Variants in GALNT8 observed in about 807,000 individuals in gnomAD.
The protein encoded by GALNT8 is polypeptide N-acetylgalactosaminyltransferase 8, also known as probable polypeptide N-acetylgalactosaminyltransferase 8.
In GALNT8, 66 loss-of-function variants were observed where a neutral mutation model predicts 62.7. That is an observed-to-expected ratio of 1.05 (90% CI 0.86 to 1.29). The LOEUF (loss-of-function observed/expected upper bound fraction) is 1.29, where lower values mean the gene tolerates loss of function less well. Ranked by LOEUF, GALNT8 falls within the 50% of genes most tolerant of loss-of-function variation. The probability of loss-of-function intolerance (pLI) is 0.00; values close to 1 mark genes in which losing one functional copy is unlikely to be tolerated. For missense variants in GALNT8, 771 were observed against 791.8 expected (o/e 0.97, Z 0.32); for synonymous variants, 288 against 294.3 (o/e 0.98, Z 0.22).
At chr12:4,727,204 C>T (rs535783119) in intron 2 of GALNT8, among the ~76,000 whole-genome samples, 1 of 152,198 alleles carries the variant, frequency 6.6e-6, no homozygotes, top group South Asian at 2.1e-4. Flanking sequence ...GGACTTTGCT[C>T]AAATTCTCTA....
chr12:4,765,982 T>C (rs1306102958), intron 10 of GALNT8, among the ~76,000 whole-genome samples: 3 of 152,196 alleles, frequency 2.0e-5, no homozygotes, highest in Non-Finnish European at 4.4e-5. Flanking sequence ...GGTTTCACCA[T>C]GGCTGGTCTT....
chr12:4,720,437 A>T lies in GALNT8; in HGVS notation c.-241A>T. On this transcript the variant is annotated 5_prime_UTR_variant, in exon 1 of 11. Coordinates refer to ENST00000252318, the MANE Select transcript of GALNT8 (RefSeq NM_017417.2). ...AGCAACCTGTGGAAAGCCGCTGAGC[A>T]ACCTGTGGAAAGCCGCTGAGCGGTT... 1.9e-6 allele frequency: 1 copy of T among 526,444 alleles called. No individual in the cohort carries two copies. The allele number at this position is 526,444 out of a possible 1,614,324, so 32.6% of individuals were successfully genotyped here.
At chr12:4,737,458 A>T (rs1169923006) in intron 2 of GALNT8, among the ~76,000 whole-genome samples, 1 of 152,006 alleles carries the variant, frequency 6.6e-6, no homozygotes, top group Non-Finnish European at 1.5e-5. Flanking sequence ...TCAGAGAAAA[A>T]TCTCCTCCTG....
At chr12:4,770,025 A>C (rs1201969260) in intron 10 of GALNT8, among the ~76,000 whole-genome samples, 1 of 152,208 alleles carries the variant, frequency 6.6e-6, no homozygotes, top group Non-Finnish European at 1.5e-5. Context: ...ATGGCCGGGC[A>C]CGGTGGCTCA....
At chr12:4,745,835 C>A (rs546371140) in intron 5 of GALNT8, among the ~76,000 whole-genome samples, 161 of 152,154 alleles carry the variant, frequency 1.1e-3, no homozygotes, top group Non-Finnish European at 1.7e-3. Context: ...TAGGGACTTT[C>A]AGACAAAAAT....
intron 1 of GALNT8, among the ~76,000 whole-genome samples, chr12:4,724,712 TTTTGCCCAAG>T (rs1481869693): frequency 1.3e-5 from 2 of 152,222 alleles, no homozygotes. Context: ...ACCATTTACT[TTTTGCCCAAG>T]TTTTTTCGAC....
intron 6 of GALNT8, among the ~76,000 whole-genome samples, chr12:4,756,298 C>T (rs1453759575): frequency 2.6e-5 from 4 of 152,188 alleles, no homozygotes; most frequent in East Asian, 1.9e-4. Flanking sequence ...GGAAAGTAGT[C>T]GAAATTACAC....
Position 4,728,829 on chromosome 12 carries a change from G to C in GALNT8, c.509+2000G>C, listed in dbSNP as rs376830925. 6.6e-5 allele frequency among the ~76,000 whole-genome samples: 10 copies of C among 152,144 alleles called. No homozygotes were observed. The East Asian group carries it at 1.7e-3, about 26-fold the overall frequency. On this transcript the variant is annotated intron_variant, in intron 2 of 10. Transcript: ENST00000252318. Reference sequence around the variant, plus strand: ...TCTTCTTCTTTCTCAAGACTGTTTTGTCTATTCTGGGACCTTGAATTTCCA... The same window carrying C: ...TCTTCTTCTTTCTCAAGACTGTTTTCTCTATTCTGGGACCTTGAATTTCCA...
rs763529339 is a variant in GALNT8 at position 4,726,861 on chromosome 12, C to G, written c.509+32C>G. On this transcript the variant is annotated intron_variant, in intron 2 of 10. Transcript: ENST00000252318. This position sits in a 1 kb window ranked among gnomAD's most constrained non-coding sequence, Gnocchi z 4.1. Reference sequence around the variant, plus strand: ...TGAACCAGGCTTGGGCTTCTAGGGTCCTCAGTTTGATTTGAGGATGAGCTT... The same window carrying G: ...TGAACCAGGCTTGGGCTTCTAGGGTGCTCAGTTTGATTTGAGGATGAGCTT... 7 of 1,560,100 alleles carry G rather than the reference C, an allele frequency of 4.5e-6. No individual in the cohort carries two copies. The African/African-American group carries it at 9.5e-5, about 21-fold the overall frequency.
At chr12:4,737,732 T>C (rs1946252205) in intron 2 of GALNT8, among the ~76,000 whole-genome samples, 1 of 152,196 alleles carries the variant, frequency 6.6e-6, no homozygotes, top group South Asian at 2.1e-4. Flanking sequence ...CTCTGGTGAA[T>C]AGGCAAATGC....
chr12:4,747,284 A>G (rs972921070), intron 6 of GALNT8, among the ~76,000 whole-genome samples: 1 of 152,136 alleles, frequency 6.6e-6, no homozygotes, highest in African/African-American at 2.4e-5. Context: ...TAGTCATCCT[A>G]TTGTGCCATC....
intron 2 of GALNT8, among the ~76,000 whole-genome samples, chr12:4,729,267 T>C (rs1946210091): frequency 6.6e-6 from 1 of 152,218 alleles, no homozygotes; most frequent in African/African-American, 2.4e-5. Context: ...CTCACAATTA[T>C]TTTCAGTGAG....
chr12:4,744,503 C>T lies in GALNT8; in HGVS notation c.677-14C>T, dbSNP rs10492057. On this transcript the variant is annotated splice_polypyrimidine_tract_variant and intron_variant, in intron 3 of 10. Transcript: ENST00000252318. ...TGCACTCAGAATTTCTATAGGTGTG[C>T]ACTTGATTGACAGGAGAACTAAAGG... is the stretch of plus-strand genomic sequence containing the variant. The T allele has an allele frequency of 1.8e-3, 2,834 of 1,580,198 alleles. 41 individuals carry two copies. The African/African-American group carries it at 0.031, about 17-fold the overall frequency.
At chr12:4,741,772 T>C (rs1030174446) in intron 3 of GALNT8, among the ~76,000 whole-genome samples, 1 of 152,170 alleles carries the variant, frequency 6.6e-6, no homozygotes, top group African/African-American at 2.4e-5. Flanking sequence ...TGTAACACAT[T>C]CCTCTCATTT....
chr12:4,750,501 A>T (rs911617878), intron 6 of GALNT8, among the ~76,000 whole-genome samples: 1 of 152,162 alleles, frequency 6.6e-6, no homozygotes, highest in African/African-American at 2.4e-5. Context: ...AGCTCCATCC[A>T]TGTCCTTGCA....
rs1455599541 is a variant in GALNT8, at chr12:4,720,508, C to T, written c.-170C>T. The T allele has an allele frequency of 3.3e-6, 2 of 606,492 alleles. No homozygotes were observed. Among genetic ancestry groups the T allele is most frequent in the Non-Finnish European group, 5.9e-6 (2 of 339,022 alleles). The allele number at this position is 606,492 out of a possible 1,614,324, so 37.6% of individuals were successfully genotyped here. ...CAAAGAAGGCAATAAGGAGACTTTGCTCCTCAGAGGCCACCCGTGGCTTCC... is the reference window on the plus strand; with the variant it reads ...CAAAGAAGGCAATAAGGAGACTTTGTTCCTCAGAGGCCACCCGTGGCTTCC... On this transcript the variant is annotated 5_prime_UTR_variant, in exon 1 of 11. Transcript: ENST00000252318.
At chr12:4,765,352 CTTTT>C (rs35971936) in intron 9 of GALNT8, 23 bp from the exon 10 acceptor site, 28,320 of 999,342 alleles carry the variant, frequency 0.028, no homozygotes, top group East Asian at 0.04. Context: ...GAGCCCTCTG[CTTTT>C]TTTTTTTTTT....
At chr12:4,763,854 T>G (rs1591574861) in intron 8 of GALNT8, 98 bp from the exon 9 acceptor site, 1 of 729,238 alleles carries the variant, frequency 1.4e-6, no homozygotes, top group Non-Finnish European at 2.5e-6. Context: ...TCGTTCCTGG[T>G]GTCCTCGGTG....
chr12:4,731,936 C>A (rs1446151623), intron 2 of GALNT8, among the ~76,000 whole-genome samples: 1 of 151,994 alleles, frequency 6.6e-6, no homozygotes, highest in Non-Finnish European at 1.5e-5. Context: ...AAATGAGGGA[C>A]CTTCATTAAA....
Sources: allele counts gnomAD v4.1 joint callset (sites outside exome capture counted in the v4.1 genomes callset), GRCh38; gene constraint gnomAD v4.1.1; non-coding constraint Gnocchi (gnomAD v3.1); transcripts MANE v1.5; gene names NCBI Gene and HGNC (gene_info 2026-07-23, HGNC 2026-07-21).